Variants in NRXN3 observed in about 807,000 individuals in gnomAD.
NRXN3 encodes the protein neurexin 3.
In NRXN3, 32 loss-of-function variants were observed where a neutral mutation model predicts 137.6. That is an observed-to-expected ratio of 0.23 (90% CI 0.18 to 0.31). The LOEUF is 0.31. NRXN3 is among the 10% of genes least tolerant of loss of function. NRXN3 has a pLI of 1.00. For synonymous variants in NRXN3, 798 were observed against 784.5 expected (o/e 1.02, Z -0.29); for missense variants, 1,574 against 2,062.5 (o/e 0.76, Z 4.59).
intron 15 of NRXN3, among the ~76,000 whole-genome samples, chr14:79,097,690 C>T (rs751345503): frequency 2.5e-4 from 38 of 152,008 alleles, no homozygotes; most frequent in Non-Finnish European, 5.3e-4. Flanking sequence ...AAATGAATAC[C>T]CCTATATACA....
chr14:79,488,347 C>A (rs1247016488), intron 16 of NRXN3, among the ~76,000 whole-genome samples: 2 of 152,140 alleles, frequency 1.3e-5, no homozygotes, highest in South Asian at 2.1e-4. Flanking sequence ...ATGGGAGCTA[C>A]ATATGTCTTA....
intron 10 of NRXN3, among the ~76,000 whole-genome samples, chr14:78,891,167 A>G (rs1313669178): frequency 6.6e-6 from 1 of 151,896 alleles, no homozygotes; most frequent in African/African-American, 2.4e-5. Context: ...CGTCTGTCCA[A>G]TATTGATACA....
intron 4 of NRXN3, among the ~76,000 whole-genome samples, chr14:78,551,309 A>G (rs1189512053): frequency 1.3e-5 from 2 of 151,838 alleles, no homozygotes; most frequent in East Asian, 1.9e-4. Context: ...TTTTCTACTT[A>G]TATCTATGTA....
intron 19 of NRXN3, among the ~76,000 whole-genome samples, chr14:79,760,421 CT>C (rs36098809): frequency 0.057 from 7,808 of 138,088 alleles, 241 homozygotes; most frequent in Non-Finnish European, 0.067. Flanking sequence ...ATAACTTAAC[CT>C]TTTTTTTTTT....
chr14:79,630,222 TAA>T (rs1264386217), intron 16 of NRXN3, among the ~76,000 whole-genome samples: 2 of 152,178 alleles, frequency 1.3e-5, no homozygotes, highest in Non-Finnish European at 2.9e-5. Flanking sequence ...TGGTTTCTGC[TAA>T]AAGGGCAGGT....
intron 4 of NRXN3, among the ~76,000 whole-genome samples, chr14:78,357,456 C>A (rs952274360): frequency 1.3e-5 from 2 of 152,132 alleles, no homozygotes; most frequent in Non-Finnish European, 2.9e-5. Context: ...AGAGCCATAT[C>A]ATATCAAGGG....
chr14:79,089,918 A>G (rs2152801170), intron 15 of NRXN3, among the ~76,000 whole-genome samples: 1 of 152,288 alleles, frequency 6.6e-6, no homozygotes, highest in Non-Finnish European at 1.5e-5. Context: ...TCATCTCTCA[A>G]TCTGAAGCAT....
chr14:79,449,194 T>C lies in NRXN3; in HGVS notation c.3263-18027T>C, dbSNP rs973602604. 1.1e-4 allele frequency among the ~76,000 whole-genome samples: 16 copies of C among 152,254 alleles called. 3 individuals carry two copies. The highest frequency in any genetic ancestry group is 1.0e-3 in the Admixed American group (16 of 15,262). The stretch of plus-strand genomic sequence containing the variant: ...ATGAATGTCATAAGACTCTAAAGAA[T>C]TGGCACTTCATAGTGAAGATGATTA... On this transcript the variant is annotated intron_variant, in intron 15 of 20. Coordinates refer to ENST00000335750, the MANE Select transcript of NRXN3 (RefSeq NM_001330195.2).
At chr14:79,839,745 C>T (rs989402925) in intron 20 of NRXN3, among the ~76,000 whole-genome samples, 1 of 152,174 alleles carries the variant, frequency 6.6e-6, no homozygotes. Context: ...AGCATTTCCC[C>T]AATGTTCTCT....
At chr14:79,021,638 T>C (rs989201716) in intron 15 of NRXN3, among the ~76,000 whole-genome samples, 1 of 152,128 alleles carries the variant, frequency 6.6e-6, no homozygotes, top group Non-Finnish European at 1.5e-5. Context: ...TAATACTAGA[T>C]TGAATGTAAT....
chr14:78,366,243 A>G (rs1157555234), intron 4 of NRXN3, among the ~76,000 whole-genome samples: 2 of 152,222 alleles, frequency 1.3e-5, no homozygotes, highest in African/African-American at 4.8e-5. Context: ...TTATTAAGAA[A>G]GATGATTCCA....
At chr14:79,323,655 C>T (rs139474355) in intron 15 of NRXN3, among the ~76,000 whole-genome samples, 1,775 of 152,096 alleles carry the variant, frequency 0.012, 38 homozygotes, top group African/African-American at 0.04. Flanking sequence ...GCCAAGAGAT[C>T]GAGACCATCC....
chr14:78,596,226 T>C (rs770496277), intron 4 of NRXN3, among the ~76,000 whole-genome samples: 7 of 152,354 alleles, frequency 4.6e-5, no homozygotes, highest in African/African-American at 1.4e-4. Context: ...AAAGTCATAA[T>C]GGAAATTTAA....
intron 10 of NRXN3, among the ~76,000 whole-genome samples, chr14:78,893,815 T>A (rs1459663279): frequency 6.6e-6 from 1 of 151,910 alleles, no homozygotes; most frequent in African/African-American, 2.4e-5. Context: ...ATATTGTGGG[T>A]GCAGTTCCAG....
intron 15 of NRXN3, among the ~76,000 whole-genome samples, chr14:79,073,334 G>A (rs2099690787): frequency 6.6e-6 from 1 of 152,058 alleles, no homozygotes; most frequent in South Asian, 2.1e-4. Flanking sequence ...ATCTAGACAT[G>A]GCATTGAGGC....
intron 8 of NRXN3, among the ~76,000 whole-genome samples, chr14:78,737,624 G>T (rs371174771): frequency 6.6e-5 from 10 of 152,132 alleles, no homozygotes; most frequent in African/African-American, 1.9e-4. Context: ...GGCAAAAAAG[G>T]GGGGGAGGGG....
intron 4 of NRXN3, among the ~76,000 whole-genome samples, chr14:78,395,315 T>A (rs1385981715): frequency 1.3e-5 from 2 of 151,960 alleles, no homozygotes; most frequent in Non-Finnish European, 2.9e-5. Flanking sequence ...TATTTAGAAA[T>A]GTCTTATTTA....
chr14:78,181,528 C>G (rs1253968388), intron 1 of NRXN3, among the ~76,000 whole-genome samples: 1 of 152,222 alleles, frequency 6.6e-6, no homozygotes, highest in Non-Finnish European at 1.5e-5. Flanking sequence ...TTTGCCTGGC[C>G]TGGGTCCCTG....
At chr14:79,156,563 A>G (rs1052399525) in intron 15 of NRXN3, among the ~76,000 whole-genome samples, 2 of 149,178 alleles carry the variant, frequency 1.3e-5, no homozygotes, top group African/African-American at 4.9e-5. Flanking sequence ...TTTTTTTTTC[A>G]TTTTAAAAAT....
Sources: allele counts gnomAD v4.1 joint callset (sites outside exome capture counted in the v4.1 genomes callset), GRCh38; gene constraint gnomAD v4.1.1; transcripts MANE v1.5; gene names NCBI Gene and HGNC (gene_info 2026-07-23, HGNC 2026-07-21).